The following ARHGAP23 variants were observed in gnomAD, a reference collection of about 807,000 sequenced individuals.
The protein encoded by ARHGAP23 is rho GTPase-activating protein 23.
ARHGAP23 carries 34 observed loss-of-function variants against 136.3 expected under a neutral mutation model. The ratio of observed to expected loss-of-function variants is 0.25; its 90% CI spans 0.19 to 0.33. The LOEUF (loss-of-function observed/expected upper bound fraction) is 0.33. Ranked by LOEUF, ARHGAP23 falls within the 10% of genes least tolerant of loss-of-function variation. The pLI is 1.00. For missense variants in ARHGAP23, 1,808 were observed against 2,139.0 expected, an observed-to-expected ratio of 0.85 and a Z score of 3.05; for synonymous variants, 832 against 920.5, an observed-to-expected ratio of 0.90 and a Z score of 1.74.
At chr17:38,474,948 G>A (rs1005762420) in intron 11 of ARHGAP23, among the ~76,000 whole-genome samples, 1 of 152,178 alleles carries the variant, frequency 6.6e-6, no homozygotes, top group African/African-American at 2.4e-5. Context: ...GGCTCCCCCT[G>A]CCGGGGAGCC....
chr17:38,499,839 T>C (rs9906429), intron 22 of ARHGAP23, among the ~76,000 whole-genome samples: 123,997 of 152,046 alleles, frequency 0.82, 50,701 homozygotes, highest in East Asian at 0.93. Context: ...AACCTGCTCC[T>C]TCTTTAGCCT....
chr17:38,479,379 C>G, intron 12 of ARHGAP23, 57 bp from the exon 13 acceptor site: 1 of 1,478,572 alleles, frequency 6.8e-7, no homozygotes, highest in Non-Finnish European at 9.2e-7. Flanking sequence ...GGGATGAGCC[C>G]TGGGGTGGGC....
intron 16 of ARHGAP23, among the ~76,000 whole-genome samples, chr17:38,483,955 C>T (rs1230667364): frequency 6.6e-6 from 1 of 152,036 alleles, no homozygotes; most frequent in African/African-American, 2.4e-5. Context: ...AGGGTGAGGC[C>T]CCAGGGGGAC....
At chr17:38,499,236 G>A (rs921373727) in intron 22 of ARHGAP23, among the ~76,000 whole-genome samples, 1 of 152,228 alleles carries the variant, frequency 6.6e-6, no homozygotes, top group African/African-American at 2.4e-5. Context: ...AGACCCTGCG[G>A]CCTCTCTTTG....
chr17:38,452,638 T>C (rs1033703391), intron 1 of ARHGAP23, among the ~76,000 whole-genome samples: 12 of 152,086 alleles, frequency 7.9e-5, no homozygotes, highest in Admixed American at 6.5e-4. Context: ...AATGAGGCCA[T>C]AGAAATGGCC....
At position 38,495,228 on chromosome 17, in the gene ARHGAP23, C is replaced by CT. The variant is rs11295890; in HGVS notation, c.3277-2536dup. ...CTCCAGAGCTTCCATTTTTCTTTTT[C>CT]TTTTTTTTTTTTTTTTTTTTTGAGA... On this transcript the variant is annotated intron_variant, in intron 20 of 23. Coordinates refer to ENST00000622683, the MANE Select transcript of ARHGAP23 (RefSeq NM_001199417.2). 1.5e-3 allele frequency among the ~76,000 whole-genome samples: 201 copies of CT among 135,414 alleles called. 2 individuals are homozygous for CT. The highest frequency in any genetic ancestry group is 7.8e-3 in the East Asian group (36 of 4,604). 88.8% of individuals were successfully genotyped at this position (135,414 alleles called of 152,430 possible).
intron 1 of ARHGAP23, among the ~76,000 whole-genome samples, chr17:38,430,646 T>G (rs1454710464): frequency 6.6e-6 from 1 of 152,200 alleles, no homozygotes; most frequent in East Asian, 1.9e-4. Flanking sequence ...TGCAGTTAGA[T>G]ACTCAGGAGA....
At chr17:38,430,659 T>A (rs1166597664) in intron 1 of ARHGAP23, among the ~76,000 whole-genome samples, 3 of 152,158 alleles carry the variant, frequency 2.0e-5, no homozygotes, top group African/African-American at 7.2e-5. Flanking sequence ...TCAGGAGAAC[T>A]TCTAGGGAGG....
intron 6 of ARHGAP23, among the ~76,000 whole-genome samples, chr17:38,464,651 C>T (rs986278425): frequency 1.4e-4 from 21 of 152,216 alleles, no homozygotes; most frequent in African/African-American, 4.8e-4. Flanking sequence ...TACAGCTCCC[C>T]CAGGCTGAGG....
rs550978484 is a variant in ARHGAP23 at position 38,480,975 on chromosome 17, A to AT, written c.2630-1039dup. Among the ~76,000 whole-genome samples the AT allele has an allele frequency of 3.3e-5, 5 of 151,198 alleles. No individual in the cohort carries two copies. In the East Asian group the frequency reaches 5.8e-4, roughly 18 times the overall value. On this transcript the variant is annotated intron_variant, in intron 14 of 23. Transcript: ENST00000622683. ...TAGAAAGGTCCTATCCCTACAAAAT[A>AT]TTTTTTTTATATATTATTTATTTAT...
intron 7 of ARHGAP23, 49 bp from the exon 8 acceptor site, chr17:38,469,095 A>G: frequency 1.3e-6 from 2 of 1,503,850 alleles, no homozygotes; most frequent in Non-Finnish European, 1.8e-6. Context: ...GGAGGCAGGC[A>G]GGCTCCGCTG....
intron 1 of ARHGAP23, among the ~76,000 whole-genome samples, chr17:38,443,490 C>A (rs761430121): frequency 2.0e-5 from 3 of 152,112 alleles, no homozygotes; most frequent in Non-Finnish European, 4.4e-5. Flanking sequence ...TTCTTCTGAC[C>A]AGAGAGCCCA....
In ARHGAP23 at chr17:38,469,998, C is replaced by T. The variant is rs147803423; in HGVS notation, c.1974+94C>T. ...GGGCCACAGCCTCGGCATGGGGGTT[C>T]CTGCTCCAGCTCCTGCCTTCCTCCT... On this transcript the variant is annotated intron_variant, in intron 10 of 23. Coordinates refer to ENST00000622683, the MANE Select transcript of ARHGAP23 (RefSeq NM_001199417.2). The T allele has an allele frequency of 6.7e-3, 9,578 of 1,421,512 alleles. 45 individuals are homozygous for T. The highest frequency in any genetic ancestry group is 0.024 in the Middle Eastern group (116 of 4,926). 88.1% of individuals were successfully genotyped at this position (1,421,512 alleles called of 1,614,324 possible).
chr17:38,422,825 G>C (rs983897113), intron 1 of ARHGAP23, among the ~76,000 whole-genome samples: 3 of 152,204 alleles, frequency 2.0e-5, no homozygotes, highest in African/African-American at 7.2e-5. Context: ...CCAGGGATGA[G>C]TGGGAACTGG....
intron 23 of ARHGAP23, among the ~76,000 whole-genome samples, chr17:38,509,117 C>T (rs1180803614): frequency 6.6e-6 from 1 of 151,804 alleles, no homozygotes; most frequent in African/African-American, 2.4e-5. Flanking sequence ...TGAAAACCAG[C>T]TTCCAGAAGG....
In ARHGAP23 at chr17:38,510,116, C is replaced by G; in HGVS notation, c.3620C>G (p.Pro1207Arg). ...AAGCCTGGGGCGGGGGCCACAGCGC[C>G]GGGGACTCAGGAGCGGCCGCAGGGG... The part of the protein sequence containing the change: ...AHKPGAGATA[P>R]GTQERPQGPL... The change falls in exon 24 of 24, where the codon CCG becomes CGG. Residue 1207 changes from proline to arginine, a missense_variant. Transcript: ENST00000622683. The surrounding 1 kb of genome is among the most constrained non-coding windows in gnomAD (Gnocchi z 4.6). 1 of 1,258,154 alleles carries G rather than the reference C, an allele frequency of 7.9e-7. No homozygotes were observed. The allele number at this position is 1,258,154 out of a possible 1,614,324, so 77.9% of individuals were successfully genotyped here. A position where few individuals can be genotyped will look rare whatever the true frequency, so the allele number is the denominator to read the frequency against.
At chr17:38,430,471 G>A (rs1171970072) in intron 1 of ARHGAP23, among the ~76,000 whole-genome samples, 7 of 152,214 alleles carry the variant, frequency 4.6e-5, no homozygotes, top group Admixed American at 4.6e-4. Flanking sequence ...GCATGGATGG[G>A]AGTGGGGGTG....
chr17:38,492,425 C>CT (rs913225981), intron 20 of ARHGAP23, among the ~76,000 whole-genome samples: 4 of 152,156 alleles, frequency 2.6e-5, no homozygotes, highest in African/African-American at 9.7e-5. Flanking sequence ...AAGCTGGGCC[C>CT]TATCACCCCC....
At position 38,511,094 on chromosome 17, in the gene ARHGAP23, C is replaced by A. The variant is rs2040756006; in HGVS notation, c.*122C>A. 2.8e-6 allele frequency: 3 copies of A among 1,072,272 alleles called. No individual in the cohort carries two copies. Among genetic ancestry groups the A allele is most frequent in the African/African-American group, 1.7e-5 (1 of 59,234 alleles). The allele number at this position is 1,072,272 out of a possible 1,614,324, so 66.4% of individuals were successfully genotyped here. A position where few individuals can be genotyped will look rare whatever the true frequency, so the allele number is the denominator to read the frequency against. On this transcript the variant is annotated 3_prime_UTR_variant, in exon 24 of 24. Coordinates refer to ENST00000622683, the MANE Select transcript of ARHGAP23 (RefSeq NM_001199417.2). ...GGGTGCATGGTGTGGGTGGAGGGCGCAGCAGGCAGTGTCTCTAGTTGGTGT... is the reference window on the plus strand; with the variant it reads ...GGGTGCATGGTGTGGGTGGAGGGCGAAGCAGGCAGTGTCTCTAGTTGGTGT...
Sources: gnomAD v4.1 joint callset for allele counts (sites outside exome capture counted in the v4.1 genomes callset) on GRCh38, gnomAD v4.1.1 for gene constraint, Gnocchi (gnomAD v3.1) non-coding constraint, MANE v1.5 for transcripts, NCBI Gene and HGNC (gene_info 2026-07-23, HGNC 2026-07-21) for gene names.